Variants in AZI2 observed in about 807,000 individuals in gnomAD.
AZI2 encodes 5-azacytidine-induced protein 2.
AZI2 carries 22 observed loss-of-function variants against 45.8 expected under a neutral mutation model. That is an observed-to-expected ratio of 0.48 (90% CI 0.34 to 0.69). The LOEUF is 0.69. AZI2 is among the 30% of genes least tolerant of loss of function. AZI2 has a pLI of 0.01. For synonymous variants in AZI2, 137 were observed against 156.7 expected, an observed-to-expected ratio of 0.87 and a Z score of 0.94; for missense variants, 417 against 441.5, an observed-to-expected ratio of 0.94 and a Z score of 0.50.
intron 6 of AZI2, among the ~76,000 whole-genome samples, chr3:28,328,547 A>G (rs1166111155): frequency 1.3e-5 from 2 of 151,216 alleles, no homozygotes; most frequent in South Asian, 2.1e-4. Context: ...AGGCATGGAA[A>G]TAAACAATTC....
At chr3:28,343,671 T>A (rs768763607) in intron 1 of AZI2, among the ~76,000 whole-genome samples, 9 of 151,994 alleles carry the variant, frequency 5.9e-5, no homozygotes, top group Non-Finnish European at 1.0e-4. Flanking sequence ...ATGAGAAAAC[T>A]GGGACCTGGA....
intron 5 of AZI2, among the ~76,000 whole-genome samples, chr3:28,335,908 T>C (rs973196007): frequency 4.6e-5 from 7 of 152,184 alleles, no homozygotes; most frequent in Admixed American, 3.3e-4. Flanking sequence ...TAGTTTGAGA[T>C]ACATGAATGC....
At chr3:28,344,586 CTG>C (rs1430798032) in intron 1 of AZI2, among the ~76,000 whole-genome samples, 2 of 151,838 alleles carry the variant, frequency 1.3e-5, no homozygotes, top group Admixed American at 6.6e-5. Context: ...AATGAAATGG[CTG>C]TGTGTGTGTA....
Position 28,326,831 on chromosome 3 carries a change from C to T in AZI2, c.766+1G>A. The T allele has an allele frequency of 6.2e-7, 1 of 1,600,588 alleles. No individual in the cohort carries two copies. Among genetic ancestry groups the T allele is most frequent in the East Asian group, 2.2e-5 (1 of 44,686 alleles). On this transcript the variant is annotated splice_donor_variant, in intron 7 of 7. Transcript: ENST00000479665. LOFTEE classifies it high-confidence loss of function. ...GTGGTTTCCGGTAAACAGTGACTTG[C>T]CTTTCTTGATTGCAGTTGAGGTTTT... is the stretch of plus-strand genomic sequence containing the variant.
intron 3 of AZI2, 32 bp downstream of exon 3, chr3:28,338,461 A>T (rs763707031): frequency 6.7e-7 from 1 of 1,498,656 alleles, no homozygotes. Context: ...CATTTCCAAA[A>T]TGCAGATGTC....
intron 2 of AZI2, among the ~76,000 whole-genome samples, chr3:28,338,986 T>C (rs575241472): frequency 6.6e-6 from 1 of 152,138 alleles, no homozygotes; most frequent in East Asian, 1.9e-4. Context: ...TACTTGACTT[T>C]TTTTTTTTTT....
Position 28,324,158 on chromosome 3 carries a change from G to A in AZI2, c.1063C>T (p.Pro355Ser). The part of the protein sequence containing the change: ...EDNSWVFPSP[P>S]KSSETAFGET... ...CCAAATGCTGTCTCACTTGATTTAGGAGGACTTGGAAATACCCAGGAATTG... is the reference window on the plus strand; with the variant it reads ...CCAAATGCTGTCTCACTTGATTTAGAAGGACTTGGAAATACCCAGGAATTG... The change falls in exon 8 of 8, where the codon CCT becomes TCT. Residue 355 changes from proline (P) to serine (S), a missense_variant. By Grantham distance (74) the Pro-to-Ser change is moderately conservative. Transcript: ENST00000479665. 6.2e-7 allele frequency: 1 copy of A among 1,610,664 alleles called. No homozygotes were observed. The highest frequency in any genetic ancestry group is 8.5e-7 in the Non-Finnish European group (1 of 1,177,624).
At chr3:28,324,618 C>G in intron 7 of AZI2, 164 bp from the exon 8 acceptor site, 2 of 549,576 alleles carry the variant, frequency 3.6e-6, no homozygotes, top group Middle Eastern at 4.4e-4. Flanking sequence ...GACAGATGAT[C>G]TGAGTTTTAA....
At chr3:28,343,156 T>C (rs904426820) in intron 1 of AZI2, among the ~76,000 whole-genome samples, 2 of 151,922 alleles carry the variant, frequency 1.3e-5, no homozygotes, top group East Asian at 3.9e-4. Flanking sequence ...AGGTAATAAA[T>C]TTGAAACAAC....
rs1703250049 is a variant in AZI2, at chr3:28,323,352, T to A, written c.*690A>T. On this transcript the variant is annotated 3_prime_UTR_variant, in exon 8 of 8. Transcript: ENST00000479665. ...TACACCCCAGAGTTTTTCAACTATT[T>A]CATTTTTTTTTTTTTTTTTCCCAAT... The A allele has an allele frequency of 6.9e-6, 1 of 145,904 alleles. No individual in the cohort carries two copies. Among genetic ancestry groups the A allele is most frequent in the Non-Finnish European group, 1.5e-5 (1 of 65,208 alleles). 9.0% of individuals were successfully genotyped at this position (145,904 alleles called of 1,614,324 possible). A position where few individuals can be genotyped will look rare whatever the true frequency, so the allele number is the denominator to read the frequency against.
intron 7 of AZI2, among the ~76,000 whole-genome samples, chr3:28,325,819 A>G (rs1488975303): frequency 1.3e-5 from 2 of 151,040 alleles, no homozygotes; most frequent in African/African-American, 4.8e-5. Flanking sequence ...ACTCAAGGAC[A>G]AAGTGAACCA....
At chr3:28,335,335 TTTCAAGG>T (rs1242377929) in intron 5 of AZI2, among the ~76,000 whole-genome samples, 2 of 151,920 alleles carry the variant, frequency 1.3e-5, no homozygotes, top group Non-Finnish European at 2.9e-5. Flanking sequence ...TAATTCAGAA[TTTCAAGG>T]TCCATATCTT....
intron 2 of AZI2, among the ~76,000 whole-genome samples, chr3:28,340,108 TGAAA>T: frequency 6.6e-6 from 1 of 151,740 alleles, no homozygotes; most frequent in African/African-American, 2.4e-5. Context: ...TGCCCAGATT[TGAAA>T]ATTCTGAATA....
At chr3:28,327,757 T>C (rs1429900387) in intron 6 of AZI2, among the ~76,000 whole-genome samples, 1 of 150,962 alleles carries the variant, frequency 6.6e-6, no homozygotes, top group Non-Finnish European at 1.5e-5. Context: ...TGCTGCTTAA[T>C]TGCCAACTAA....
chr3:28,345,842 C>T (rs540508122), intron 1 of AZI2, among the ~76,000 whole-genome samples: 50 of 152,056 alleles, frequency 3.3e-4, no homozygotes, highest in South Asian at 2.7e-3. Flanking sequence ...GGTCTTTTTT[C>T]TAGGAATAAA....
intron 5 of AZI2, 91 bp from the exon 6 acceptor site, chr3:28,332,518 T>C: frequency 9.7e-7 from 1 of 1,030,704 alleles, no homozygotes; most frequent in Non-Finnish European, 1.5e-6. Context: ...CATGTTCAGG[T>C]TTTACAGAAT....
rs2125627977 is a variant in AZI2, at chr3:28,322,337, C to T, written c.*1705G>A. The T allele has an allele frequency of 6.6e-6, 1 of 151,368 alleles. No individual in the cohort carries two copies. Among genetic ancestry groups the T allele is most frequent in the Admixed American group, 6.6e-5 (1 of 15,138 alleles). The allele number at this position is 151,368 out of a possible 1,614,324, so 9.4% of individuals were successfully genotyped here. On this transcript the variant is annotated 3_prime_UTR_variant, in exon 8 of 8. Coordinates refer to ENST00000479665, the MANE Select transcript of AZI2 (RefSeq NM_022461.5). ...AGATTTTGAGATCTATAGGCAAGGA[C>T]AATATTTCACATCCACTTCAATTTC... is the stretch of plus-strand genomic sequence containing the variant.
intron 7 of AZI2, 158 bp from the exon 8 acceptor site, chr3:28,324,612 G>T: frequency 1.8e-6 from 1 of 565,492 alleles, no homozygotes; most frequent in Non-Finnish European, 2.7e-6. Flanking sequence ...ATAAATGACA[G>T]ATGATCTGAG....
intron 1 of AZI2, among the ~76,000 whole-genome samples, chr3:28,345,116 C>T (rs1704173821): frequency 6.6e-6 from 1 of 152,240 alleles, no homozygotes; most frequent in African/African-American, 2.4e-5. Flanking sequence ...TGATTCCTAG[C>T]TTCCACTGCA....
Sources: allele counts gnomAD v4.1 joint callset (sites outside exome capture counted in the v4.1 genomes callset), GRCh38; gene constraint gnomAD v4.1.1; transcripts MANE v1.5; gene names NCBI Gene and HGNC (gene_info 2026-07-23, HGNC 2026-07-21).